Variants in FAM13C observed in about 807,000 individuals in gnomAD.
The protein encoded by FAM13C is protein FAM13C.
A neutral mutation model predicts 73.2 loss-of-function variants in FAM13C; 37 were observed. The observed-to-expected ratio is 0.51, with a 90% CI of 0.39 to 0.67. The LOEUF is 0.67. FAM13C is among the 30% of genes least tolerant of loss of function. FAM13C has a pLI of 0.00. For synonymous variants in FAM13C, 246 were observed against 260.9 expected (o/e 0.94, Z 0.55); for missense variants, 589 against 715.6 (o/e 0.82, Z 2.02).
chr10:59,342,974 C>T (rs1853703049), intron 3 of FAM13C, among the ~76,000 whole-genome samples: 1 of 152,122 alleles, frequency 6.6e-6, no homozygotes, highest in South Asian at 2.1e-4. Context: ...GTGCAGAAAC[C>T]CAGCTCCCAT....
chr10:59,316,553 A>G (rs559083629), intron 4 of FAM13C, among the ~76,000 whole-genome samples: 1 of 152,294 alleles, frequency 6.6e-6, no homozygotes, highest in South Asian at 2.1e-4. Flanking sequence ...AACACCACAG[A>G]GTGTACTTAC....
At chr10:59,271,741 A>T (rs905904785) in intron 6 of FAM13C, among the ~76,000 whole-genome samples, 3 of 152,206 alleles carry the variant, frequency 2.0e-5, no homozygotes, top group Non-Finnish European at 4.4e-5. Flanking sequence ...TGGGTTCCTC[A>T]TCAAATCCTT....
intron 7 of FAM13C, 95 bp downstream of exon 7, chr10:59,269,804 A>T (rs748838575): frequency 3.5e-6 from 5 of 1,421,822 alleles, no homozygotes; most frequent in Non-Finnish European, 4.8e-6. Context: ...AGGCAGGCAC[A>T]TTTGTGCTAC....
intron 1 of FAM13C, 114 bp downstream of exon 1, chr10:59,362,285 G>C: frequency 7.1e-7 from 1 of 1,412,978 alleles, no homozygotes; most frequent in Non-Finnish European, 9.7e-7. Context: ...CCCAGATTCC[G>C]GGAGACAATG....
intron 4 of FAM13C, among the ~76,000 whole-genome samples, chr10:59,319,522 C>T (rs1167614046): frequency 6.6e-6 from 1 of 152,154 alleles, no homozygotes; most frequent in East Asian, 1.9e-4. Flanking sequence ...TAAGAATTCC[C>T]CAACTGCATT....
chr10:59,362,310 A>G, intron 1 of FAM13C, 89 bp downstream of exon 1: 1 of 1,533,684 alleles, frequency 6.5e-7, no homozygotes. Flanking sequence ...TAAAACGAAC[A>G]GCGGCTGGGA....
intron 13 of FAM13C, 121 bp from the exon 14 acceptor site, chr10:59,247,858 T>A (rs1840866532): frequency 1.1e-6 from 1 of 894,758 alleles, no homozygotes; most frequent in Admixed American, 2.9e-5. Context: ...TTGCATCATG[T>A]CTTCTTTTCC....
chr10:59,331,796 T>A (rs1032465863), intron 3 of FAM13C, among the ~76,000 whole-genome samples: 1 of 152,078 alleles, frequency 6.6e-6, no homozygotes, highest in Non-Finnish European at 1.5e-5. Context: ...ATAGACCTGG[T>A]GATTGACAGG....
At chr10:59,247,922 A>T in intron 13 of FAM13C, 185 bp from the exon 14 acceptor site, 2 of 586,250 alleles carry the variant, frequency 3.4e-6, no homozygotes, top group Non-Finnish European at 5.8e-6. Context: ...GTTTCTAAAT[A>T]ATAGTAACCT....
chr10:59,360,079 A>G (rs925493966), intron 1 of FAM13C, among the ~76,000 whole-genome samples: 1 of 152,226 alleles, frequency 6.6e-6, no homozygotes, highest in African/African-American at 2.4e-5. Flanking sequence ...GGAAAAACCA[A>G]GAAGAAAATA....
Position 59,254,431 on chromosome 10 carries a change from C to G in FAM13C, c.1249G>C (p.Asp417His). ...PQEDSKVTKQ[D>H]KNLIKPLYDR... ...TAAAGCGGCTTTATGAGGTTCTTGT[C>G]TTGCTTAGTTACCTGAAAAACATGA... The change falls in exon 11 of 14, where the codon GAC (aspartate) becomes CAC (histidine). Residue 417 changes from aspartate (D) to histidine (H), a missense_variant. By Grantham distance (81) the Asp-to-His change is moderately conservative. Coordinates refer to ENST00000618804, the MANE Select transcript of FAM13C (RefSeq NM_198215.4). 1 of 1,505,656 alleles carries G rather than the reference C, an allele frequency of 6.6e-7. No individual in the cohort carries two copies. The highest frequency in any genetic ancestry group is 1.4e-5 in the South Asian group (1 of 73,126). The allele number at this position is 1,505,656 out of a possible 1,614,324, so 93.3% of individuals were successfully genotyped here. A position where few individuals can be genotyped will look rare whatever the true frequency, so the allele number is the denominator to read the frequency against.
At chr10:59,342,360 TAA>T (rs5785379) in intron 3 of FAM13C, among the ~76,000 whole-genome samples, 365 of 148,156 alleles carry the variant, frequency 2.5e-3, no homozygotes, top group Middle Eastern at 3.4e-3. Context: ...AAGTTTGAAC[TAA>T]AAAAAAAAAA....
intron 7 of FAM13C, 125 bp from the exon 8 acceptor site, chr10:59,268,816 G>T: frequency 8.8e-7 from 1 of 1,134,998 alleles, no homozygotes. Flanking sequence ...ATTATTTGAT[G>T]AGGCCACCAT....
chr10:59,326,209 T>C (rs1851100373), intron 3 of FAM13C, among the ~76,000 whole-genome samples: 1 of 152,076 alleles, frequency 6.6e-6, no homozygotes, highest in Non-Finnish European at 1.5e-5. Flanking sequence ...AGATCAGAGA[T>C]CTCAAAGGAC....
At chr10:59,281,753 T>C (rs985660064) in intron 6 of FAM13C, among the ~76,000 whole-genome samples, 7 of 152,186 alleles carry the variant, frequency 4.6e-5, no homozygotes, top group Admixed American at 6.5e-5. Flanking sequence ...CTATTCTTAA[T>C]TGTTGGGAAG....
At chr10:59,279,062 C>T (rs1373395481) in intron 6 of FAM13C, among the ~76,000 whole-genome samples, 1 of 152,162 alleles carries the variant, frequency 6.6e-6, no homozygotes, top group African/African-American at 2.4e-5. Context: ...CTAAATCGCA[C>T]CTGCAGCAGG....
chr10:59,311,985 C>G (rs1186888094), intron 4 of FAM13C, among the ~76,000 whole-genome samples: 1 of 151,846 alleles, frequency 6.6e-6, no homozygotes, highest in African/African-American at 2.4e-5. Flanking sequence ...AAAGCGGTGA[C>G]AAAGTCGACA....
chr10:59,331,168 A>G (rs1173991100), intron 3 of FAM13C, among the ~76,000 whole-genome samples: 1 of 152,224 alleles, frequency 6.6e-6, no homozygotes, highest in African/African-American at 2.4e-5. Context: ...GCAAGACACA[A>G]ACTATAAACA....
intron 5 of FAM13C, among the ~76,000 whole-genome samples, chr10:59,300,514 A>G (rs1847474709): frequency 6.6e-6 from 1 of 152,206 alleles, no homozygotes; most frequent in African/African-American, 2.4e-5. Context: ...GTTCTACCTT[A>G]CATGTTTATT....
Sources: allele counts gnomAD v4.1 joint callset (sites outside exome capture counted in the v4.1 genomes callset), GRCh38; gene constraint gnomAD v4.1.1; transcripts MANE v1.5; gene names NCBI Gene and HGNC (gene_info 2026-07-23, HGNC 2026-07-21).